The following WDSUB1 variants were observed in gnomAD, a reference collection of about 807,000 sequenced individuals.
WDSUB1 encodes the protein WD repeat, sterile alpha motif and U-box domain containing 1, also known as WD repeat, SAM and U-box domain-containing protein 1.
In WDSUB1, 49 loss-of-function variants were observed where a neutral mutation model predicts 53.9. The ratio of observed to expected loss-of-function variants is 0.91; its 90% CI spans 0.72 to 1.15. The LOEUF (loss-of-function observed/expected upper bound fraction) is 1.15. WDSUB1 is among the 50% of genes most tolerant of loss of function. WDSUB1 has a pLI of 0.00. For missense variants in WDSUB1, 514 were observed against 562.0 expected (o/e 0.91, Z 0.86); for synonymous variants, 194 against 200.6 (o/e 0.97, Z 0.28).
rs7591849 is a variant in WDSUB1 at position 159,256,370 on chromosome 2, G to A, written c.958C>T (p.Arg320Cys). The change falls in exon 9 of 11, where the codon CGC becomes TGC. Residue 320 changes from arginine (R) to cysteine (C), a missense_variant. Transcript: ENST00000359774. ...AATTGCTTCAGCTGATGTTCTGTGC[G>A]CCTTGCTTAAAATAAACAAACAAGT... ...FDLETLCQAR[R>C]TEHQLKQFTE... The A allele has an allele frequency of 1.2e-4, 199 of 1,608,546 alleles. No homozygotes were observed. In the African/African-American group the frequency reaches 1.9e-3, roughly 16 times the overall value.
chr2:159,248,338 C>T, intron 10 of WDSUB1, 34 bp downstream of exon 10: 1 of 1,598,116 alleles, frequency 6.3e-7, no homozygotes. Flanking sequence ...TAGCACAAAA[C>T]ATCCCCTGCA....
In WDSUB1 at chr2:159,257,798, T is replaced by C. The variant is rs144861177; in HGVS notation, c.912A>G (p.Thr304=). ...CCAGGTCAAATTGCCAGATGTTCAC[T>C]GTTTTGTCCATTGAACCAGTAGCAA... ...LLLATGSMDK[T]VNIWQFDLET... The change falls in exon 8 of 11, where the codon ACA becomes ACG. Residue 304 remains threonine (T), a synonymous_variant. Coordinates refer to ENST00000359774, the MANE Select transcript of WDSUB1 (RefSeq NM_001128212.3). 1.9e-4 allele frequency: 308 copies of C among 1,614,246 alleles called. 1 individual carries two copies. In the African/African-American group the frequency reaches 3.9e-3, roughly 20 times the overall value.
chr2:159,251,964 C>T, intron 9 of WDSUB1, among the ~76,000 whole-genome samples: 1 of 151,998 alleles, frequency 6.6e-6, no homozygotes, highest in East Asian at 1.9e-4. Context: ...CTGTAAGTAC[C>T]GATGCCACAG....
At chr2:159,239,244 A>G (rs1575420252) in intron 10 of WDSUB1, among the ~76,000 whole-genome samples, 1 of 152,160 alleles carries the variant, frequency 6.6e-6, no homozygotes, top group Non-Finnish European at 1.5e-5. Flanking sequence ...GGCTCAAACA[A>G]CGCTCCCACC....
intron 5 of WDSUB1, among the ~76,000 whole-genome samples, chr2:159,268,565 G>A (rs754597506): frequency 1.3e-5 from 2 of 152,188 alleles, no homozygotes; most frequent in Non-Finnish European, 2.9e-5. Context: ...CATTCTAAAT[G>A]GAGGTTAGGA....
At chr2:159,273,806 T>G (rs1399974164) in intron 4 of WDSUB1, among the ~76,000 whole-genome samples, 1 of 152,260 alleles carries the variant, frequency 6.6e-6, no homozygotes, top group South Asian at 2.1e-4. Flanking sequence ...CCAGTAAACA[T>G]GAAAGGCTTT....
At chr2:159,261,884 ATATATATATATATTTT>A (rs2061220416) in intron 5 of WDSUB1, among the ~76,000 whole-genome samples, 1 of 19,758 alleles carries the variant, frequency 5.1e-5, no homozygotes, top group African/African-American at 3.2e-4. Flanking sequence ...ATATATATAT[ATATATATATATATTTT>A]TTTTTTTTTT....
chr2:159,284,151 T>C (rs1282895219), intron 1 of WDSUB1, among the ~76,000 whole-genome samples: 1 of 152,076 alleles, frequency 6.6e-6, no homozygotes, highest in African/African-American at 2.4e-5. Flanking sequence ...TTACCTGGGA[T>C]AAGAACAATT....
chr2:159,282,474 G>C (rs2061686863), intron 2 of WDSUB1, among the ~76,000 whole-genome samples, 198 bp downstream of exon 2: 2 of 152,200 alleles, frequency 1.3e-5, no homozygotes, highest in African/African-American at 4.8e-5. Flanking sequence ...TTACACGCGT[G>C]AGCCACAGCA....
intron 5 of WDSUB1, among the ~76,000 whole-genome samples, chr2:159,265,084 CAA>C (rs1164740308): frequency 1.3e-4 from 12 of 94,818 alleles, no homozygotes; most frequent in Admixed American, 2.3e-4. Context: ...AACTCCATCT[CAA>C]AAAAAAAAAA....
intron 10 of WDSUB1, among the ~76,000 whole-genome samples, chr2:159,238,905 C>T (rs2060563854): frequency 6.6e-6 from 1 of 152,160 alleles, no homozygotes; most frequent in African/African-American, 2.4e-5. Context: ...CTTCCTACCC[C>T]TCAGCATGCT....
chr2:159,271,541 C>A (rs958297065), intron 5 of WDSUB1, among the ~76,000 whole-genome samples, 161 bp downstream of exon 5: 6 of 152,128 alleles, frequency 3.9e-5, no homozygotes, highest in Non-Finnish European at 8.8e-5. Flanking sequence ...CAAAAAGGGG[C>A]ACTTGCAAGG....
rs2061259653 is a variant in WDSUB1, at chr2:159,263,117, T to C, written c.771-3274A>G. 2.0e-5 allele frequency among the ~76,000 whole-genome samples: 3 copies of C among 152,232 alleles called. No individual in the cohort carries two copies. The South Asian group carries it at 6.2e-4, about 31-fold the overall frequency. ...GGACAACATCAACAACACATAGCTA[T>C]GTGCTTGACATGGACGTGGTGTAAT... is the stretch of plus-strand genomic sequence containing the variant. On this transcript the variant is annotated intron_variant, in intron 5 of 10. Transcript: ENST00000359774.
At chr2:159,252,200 C>T (rs1194894711) in intron 9 of WDSUB1, among the ~76,000 whole-genome samples, 1 of 151,914 alleles carries the variant, frequency 6.6e-6, no homozygotes, top group African/African-American at 2.4e-5. Flanking sequence ...AGACACGAAA[C>T]CTATATTAAG....
rs1307098310 is a variant in WDSUB1, at chr2:159,236,053, G to A, written c.1411C>T (p.Leu471=). 1 of 1,605,728 alleles carries A rather than the reference G, an allele frequency of 6.2e-7. No individual in the cohort carries two copies. The highest frequency in any genetic ancestry group is 8.5e-7 in the Non-Finnish European group (1 of 1,177,894). The change falls in exon 11 of 11, where the codon CTG becomes TTG. Residue 471 remains leucine (L), a synonymous_variant. Coordinates refer to ENST00000359774, the MANE Select transcript of WDSUB1 (RefSeq NM_001128212.3). ...CAATTTTACTTTTGGTGTGTCTCCA[G>A]CCATCTATTGATGGCCATTTTCAGA... The part of the protein sequence containing the change: ...RTLKMAINRW[L]ETHQK
At chr2:159,244,863 G>A (rs185195579) in intron 10 of WDSUB1, among the ~76,000 whole-genome samples, 10 of 152,286 alleles carry the variant, frequency 6.6e-5, no homozygotes, top group South Asian at 4.1e-4. Flanking sequence ...CCAGGAGGTC[G>A]AAACTGCAGT....
At chr2:159,241,779 C>T (rs367800895) in intron 10 of WDSUB1, among the ~76,000 whole-genome samples, 9 of 133,812 alleles carry the variant, frequency 6.7e-5, no homozygotes, top group Non-Finnish European at 1.2e-4. Flanking sequence ...GTGGCATGAT[C>T]TCGGCTCACT....
At chr2:159,279,647 A>T in intron 3 of WDSUB1, 114 bp downstream of exon 3, 2 of 849,166 alleles carry the variant, frequency 2.4e-6, no homozygotes, top group Non-Finnish European at 3.3e-6. Context: ...ATAAATTAAG[A>T]GGGCTCCTCA....
At chr2:159,257,732 G>T (rs1162239114) in intron 8 of WDSUB1, 26 bp downstream of exon 8, 1 of 1,588,950 alleles carries the variant, frequency 6.3e-7, no homozygotes, top group Admixed American at 1.7e-5. Flanking sequence ...GGGTTGAAAT[G>T]AGTGAAAAAT....
Sources: allele counts gnomAD v4.1 joint callset (sites outside exome capture counted in the v4.1 genomes callset), GRCh38; gene constraint gnomAD v4.1.1; transcripts MANE v1.5; gene names NCBI Gene and HGNC (gene_info 2026-07-23, HGNC 2026-07-21).